Variants in ATF6 observed in about 807,000 individuals in gnomAD.
ATF6 encodes cyclic AMP-dependent transcription factor ATF-6 alpha.
Under a neutral mutation model 83.6 loss-of-function variants are expected in ATF6, and 53 were observed. The observed-to-expected ratio is 0.63, with a 90% confidence interval of 0.51 to 0.80. The LOEUF (loss-of-function observed/expected upper bound fraction) is 0.80, where lower values mean the gene tolerates loss of function less well. ATF6 is among the 30% of genes least tolerant of loss of function. ATF6 has a pLI of 0.00. For missense variants in ATF6, 744 were observed against 797.9 expected (o/e 0.93, Z 0.81); for synonymous variants, 288 against 285.8 (o/e 1.01, Z -0.08).
intron 4 of ATF6, among the ~76,000 whole-genome samples, chr1:161,785,397 A>T (rs935570883): frequency 6.6e-6 from 1 of 152,192 alleles, no homozygotes; most frequent in African/African-American, 2.4e-5. Context: ...TTAATTTTTT[A>T]AAAAATTAAT....
intron 13 of ATF6, among the ~76,000 whole-genome samples, chr1:161,862,784 A>G (rs1686911280): frequency 6.6e-6 from 1 of 152,200 alleles, no homozygotes; most frequent in African/African-American, 2.4e-5. Context: ...CTTTTTGCAC[A>G]GCCTCGTAGG....
intron 14 of ATF6, among the ~76,000 whole-genome samples, chr1:161,871,162 TG>T (rs2101848273): frequency 6.6e-6 from 1 of 151,772 alleles, no homozygotes; most frequent in African/African-American, 2.4e-5. Flanking sequence ...TTACTAGAGG[TG>T]GGGTTTGCAG....
chr1:161,767,470 C>T (rs1684291319), intron 1 of ATF6, among the ~76,000 whole-genome samples: 1 of 152,142 alleles, frequency 6.6e-6, no homozygotes, highest in African/African-American at 2.4e-5. Context: ...TCCCATTTTC[C>T]CAAGCCAAAT....
chr1:161,791,086 C>CTCTGTGTG (rs1215895508), intron 4 of ATF6, among the ~76,000 whole-genome samples: 1 of 86,276 alleles, frequency 1.2e-5, no homozygotes, highest in East Asian at 3.0e-4. Context: ...GTGTGTGTCT[C>CTCTGTGTG]TGTGTGTGTG....
At chr1:161,955,637 A>T (rs1688952840) in intron 15 of ATF6, among the ~76,000 whole-genome samples, 1 of 152,196 alleles carries the variant, frequency 6.6e-6, no homozygotes. Context: ...CCTTTTTATA[A>T]TGTCTCATAC....
chr1:161,847,562 G>A (rs1007196583), intron 10 of ATF6, among the ~76,000 whole-genome samples: 1 of 152,072 alleles, frequency 6.6e-6, no homozygotes, highest in Non-Finnish European at 1.5e-5. Context: ...GGAAAACATA[G>A]CATTTCCTGC....
At chr1:161,863,389 G>GA (rs1686926900) in intron 14 of ATF6, 77 bp downstream of exon 14, 1 of 939,486 alleles carries the variant, frequency 1.1e-6, no homozygotes, top group African/African-American at 1.6e-5. Flanking sequence ...GAATATTGTG[G>GA]AAAATACAAA....
chr1:161,908,993 A>G (rs1558020577), intron 14 of ATF6, among the ~76,000 whole-genome samples: 1 of 152,212 alleles, frequency 6.6e-6, no homozygotes, highest in Non-Finnish European at 1.5e-5. Context: ...TTAATTAACC[A>G]TTATGGAGAT....
chr1:161,910,577 G>T (rs558641322), intron 14 of ATF6, among the ~76,000 whole-genome samples: 2 of 152,270 alleles, frequency 1.3e-5, no homozygotes, highest in Admixed American at 1.3e-4. Flanking sequence ...TTAAGTCTGA[G>T]CCTGACCTTA....
intron 14 of ATF6, among the ~76,000 whole-genome samples, chr1:161,886,948 A>G (rs1687433594): frequency 1.3e-5 from 2 of 152,252 alleles, no homozygotes; most frequent in Non-Finnish European, 2.9e-5. Context: ...CGACAAAGAG[A>G]CATTGCAGCA....
chr1:161,953,534 A>G (rs1297519136), intron 15 of ATF6, among the ~76,000 whole-genome samples: 3 of 152,168 alleles, frequency 2.0e-5, no homozygotes, highest in Non-Finnish European at 4.4e-5. Flanking sequence ...AAATTCTGCT[A>G]TGTCACAGCT....
chr1:161,898,891 T>C (rs528967398), intron 14 of ATF6, among the ~76,000 whole-genome samples: 1 of 152,338 alleles, frequency 6.6e-6, no homozygotes, highest in East Asian at 1.9e-4. Context: ...ATAAGTTTCT[T>C]GAGAATAGTG....
At chr1:161,784,166 G>A (rs1684697132) in intron 4 of ATF6, 70 bp downstream of exon 4, 1 of 1,079,162 alleles carries the variant, frequency 9.3e-7, no homozygotes, top group South Asian at 1.3e-5. Context: ...TATGGAGGAG[G>A]CAGTTAACAT....
rs1285223252 is a variant in ATF6, at chr1:161,886,815, A to G, written c.1719+23503A>G. On this transcript the variant is annotated intron_variant, in intron 14 of 15. Coordinates refer to ENST00000367942, the MANE Select transcript of ATF6 (RefSeq NM_007348.4). ...ATAAGTAGCAAAGTCAGGATTCGAC[A>G]TGTTAAGCCAACTTCATGGACTTAA... Among the ~76,000 whole-genome samples, 4 of 152,368 alleles carry G rather than the reference A, an allele frequency of 2.6e-5. No homozygotes were observed. In the East Asian group the frequency reaches 7.7e-4, roughly 29 times the overall value.
chr1:161,887,820 A>T (rs902419989), intron 14 of ATF6, among the ~76,000 whole-genome samples: 1 of 152,170 alleles, frequency 6.6e-6, no homozygotes, highest in African/African-American at 2.4e-5. Context: ...TGTGTCAGTT[A>T]TTGGCACCAG....
intron 9 of ATF6, among the ~76,000 whole-genome samples, chr1:161,825,594 G>A (rs975928670): frequency 1.3e-5 from 2 of 152,164 alleles, no homozygotes; most frequent in South Asian, 4.1e-4. Flanking sequence ...TAAAGGATAT[G>A]TGGGGCAAGC....
At chr1:161,812,628 G>A (rs1018233632) in intron 7 of ATF6, among the ~76,000 whole-genome samples, 1 of 151,878 alleles carries the variant, frequency 6.6e-6, no homozygotes, top group Non-Finnish European at 1.5e-5. Flanking sequence ...TCCTGACCTC[G>A]TGATCCACCC....
chr1:161,791,987 C>T (rs1557962352), intron 5 of ATF6, 137 bp from the exon 6 acceptor site: 1 of 775,498 alleles, frequency 1.3e-6, no homozygotes, highest in South Asian at 1.6e-5. Flanking sequence ...TGTACTGTAG[C>T]TATGCTTAAA....
chr1:161,772,963 G>GTTT (rs34459711), intron 1 of ATF6, among the ~76,000 whole-genome samples: 96 of 73,498 alleles, frequency 1.3e-3, no homozygotes, highest in African/African-American at 2.8e-3. Context: ...TGAAACTCCT[G>GTTT]TTTTTTTTTT....
Sources: gnomAD v4.1 joint callset for allele counts (sites outside exome capture counted in the v4.1 genomes callset) on GRCh38, gnomAD v4.1.1 for gene constraint, MANE v1.5 for transcripts, NCBI Gene and HGNC (gene_info 2026-07-23, HGNC 2026-07-21) for gene names.